The following VAT1L variants were observed in gnomAD, a reference collection of about 807,000 sequenced individuals.
The protein encoded by VAT1L is vesicle amine transport 1 like, also known as putative NADPH-dependent quinone oxidoreductase VAT1L.
In VAT1L, 34 loss-of-function variants were observed where a neutral mutation model predicts 44.1. That is an observed-to-expected ratio of 0.77 (90% confidence interval 0.59 to 1.03). VAT1L has a LOEUF of 1.03. VAT1L is among the 50% of genes least tolerant of loss of function. VAT1L has a pLI of 0.00. For synonymous variants in VAT1L, 253 were observed against 202.2 expected (o/e 1.25, Z -2.13); for missense variants, 615 against 538.8 (o/e 1.14, Z -1.40).
At chr16:77,862,651 A>T (rs1597072284) in intron 3 of VAT1L, 97 bp from the exon 4 acceptor site, 2 of 1,123,372 alleles carry the variant, frequency 1.8e-6, no homozygotes, top group South Asian at 1.8e-5. Flanking sequence ...AAAAAAAGTC[A>T]ATAGTGCCGA....
chr16:77,917,780 G>T (rs1415378011), intron 7 of VAT1L, among the ~76,000 whole-genome samples: 1 of 152,170 alleles, frequency 6.6e-6, no homozygotes, highest in Non-Finnish European at 1.5e-5. Context: ...ACACTAAAGA[G>T]GAATAAGGAG....
intron 1 of VAT1L, among the ~76,000 whole-genome samples, chr16:77,804,215 C>A (rs1271886722): frequency 6.6e-6 from 1 of 152,190 alleles, no homozygotes; most frequent in East Asian, 1.9e-4. Context: ...ATGCCTTGGT[C>A]AACATCAAAC....
chr16:77,913,956 G>C (rs1052604996), intron 7 of VAT1L, among the ~76,000 whole-genome samples: 2 of 152,150 alleles, frequency 1.3e-5, no homozygotes, highest in African/African-American at 4.8e-5. Flanking sequence ...AACATTGACT[G>C]ATAAAATGCC....
chr16:77,914,649 T>A (rs1408618662), intron 7 of VAT1L, among the ~76,000 whole-genome samples: 2 of 151,966 alleles, frequency 1.3e-5, no homozygotes, highest in Non-Finnish European at 2.9e-5. Flanking sequence ...CATAGATCAG[T>A]TATCAGTCAC....
intron 7 of VAT1L, among the ~76,000 whole-genome samples, chr16:77,906,463 TCGCCTC>T (rs1315286274): frequency 1.3e-5 from 2 of 152,170 alleles, no homozygotes; most frequent in African/African-American, 4.8e-5. Context: ...TAGTTTGGGA[TCGCCTC>T]AAATCAGAGC....
intron 7 of VAT1L, among the ~76,000 whole-genome samples, chr16:77,912,076 C>G (rs997248336): frequency 6.6e-6 from 1 of 152,168 alleles, no homozygotes; most frequent in Admixed American, 6.5e-5. Flanking sequence ...GGCAGTGTGA[C>G]ATAGTAGAAA....
At chr16:77,877,460 C>T (rs2017099855) in intron 5 of VAT1L, among the ~76,000 whole-genome samples, 1 of 144,554 alleles carries the variant, frequency 6.9e-6, no homozygotes, top group South Asian at 2.2e-4. Context: ...TGGCAGTGAG[C>T]CGAGACCGCG....
chr16:77,968,997 T>G (rs2018252037), intron 7 of VAT1L, among the ~76,000 whole-genome samples: 1 of 152,002 alleles, frequency 6.6e-6, no homozygotes, highest in African/African-American at 2.4e-5. Flanking sequence ...TTTTGTTTTT[T>G]TAGTAGAGAT....
intron 3 of VAT1L, among the ~76,000 whole-genome samples, chr16:77,829,535 G>C (rs531652846): frequency 6.6e-5 from 10 of 152,316 alleles, no homozygotes; most frequent in African/African-American, 2.4e-4. Flanking sequence ...TCCATGCTCT[G>C]TCATATCTTT....
chr16:77,850,355 A>C (rs1174868398), intron 3 of VAT1L, among the ~76,000 whole-genome samples: 2 of 152,196 alleles, frequency 1.3e-5, no homozygotes, highest in Admixed American at 1.3e-4. Flanking sequence ...ATCAGTTCAG[A>C]GTAACCAGGT....
chr16:77,965,578 C>G lies in VAT1L; in HGVS notation c.1078-6272C>G, dbSNP rs571317026. ...GCCTGAGTAAATCCAGAATCCCAGC[C>G]CTGGAAAATCCAGCTGCCAAGACCA... is the stretch of plus-strand genomic sequence containing the variant. On this transcript the variant is annotated intron_variant, in intron 7 of 8. Coordinates refer to ENST00000302536, the MANE Select transcript of VAT1L (RefSeq NM_020927.3). Among the ~76,000 whole-genome samples the G allele has an allele frequency of 2.0e-5, 3 of 152,302 alleles. No homozygotes were observed. The East Asian group carries it at 5.8e-4, about 29-fold the overall frequency.
intron 3 of VAT1L, among the ~76,000 whole-genome samples, chr16:77,856,144 C>T (rs559595937): frequency 6.6e-6 from 1 of 152,212 alleles, no homozygotes; most frequent in South Asian, 2.1e-4. Flanking sequence ...AAGAGGATTC[C>T]AAGCAGTGGG....
intron 7 of VAT1L, among the ~76,000 whole-genome samples, chr16:77,957,630 C>G (rs2018117913): frequency 6.6e-6 from 1 of 151,862 alleles, no homozygotes; most frequent in African/African-American, 2.4e-5. Context: ...GAGGCTGAGG[C>G]AGGAGAATCA....
At position 77,889,162 on chromosome 16, in the gene VAT1L, A is replaced by T. The variant is rs540709759; in HGVS notation, c.1077+4360A>T. Reference sequence around the variant, plus strand: ...AATTGCTTCTCAATCCAGCTCTATAACTTCATCTATGGAATATAAAGCCCA... The same window carrying T: ...AATTGCTTCTCAATCCAGCTCTATATCTTCATCTATGGAATATAAAGCCCA... On this transcript the variant is annotated intron_variant, in intron 7 of 8. Transcript: ENST00000302536. Among the ~76,000 whole-genome samples the T allele has an allele frequency of 9.2e-5, 14 of 152,272 alleles. No individual in the cohort carries two copies. The South Asian group carries it at 2.3e-3, about 25-fold the overall frequency.
At chr16:77,933,168 C>G (rs992657336) in intron 7 of VAT1L, among the ~76,000 whole-genome samples, 1 of 152,206 alleles carries the variant, frequency 6.6e-6, no homozygotes, top group African/African-American at 2.4e-5. Flanking sequence ...TCAACTATCA[C>G]TCCTTGAAGT....
intron 7 of VAT1L, among the ~76,000 whole-genome samples, chr16:77,958,202 TG>T (rs1348202705): frequency 6.6e-6 from 1 of 152,158 alleles, no homozygotes; most frequent in African/African-American, 2.4e-5. Context: ...CCACCATGCC[TG>T]GCCTTCTTGG....
At position 77,884,743 on chromosome 16, in the gene VAT1L, G is replaced by T; in HGVS notation, c.1018G>T (p.Gly340Trp). ...TCGGGGAGTGGTGGAAAAACTCATA[G>T]GGCTCTACAACCAGAAGAAGATCAA... The part of the protein sequence containing the change: ...LIRGVVEKLI[G>W]LYNQKKIKPV... The change falls in exon 7 of 9, where the codon GGG becomes TGG. Residue 340 changes from glycine (G) to tryptophan (W), a missense_variant. Transcript: ENST00000302536. The surrounding 1 kb of genome is among the most constrained non-coding windows in gnomAD (Gnocchi z 4.5). 6.3e-7 allele frequency: 1 copy of T among 1,597,544 alleles called. No individual in the cohort carries two copies. The highest frequency in any genetic ancestry group is 8.5e-7 in the Non-Finnish European group (1 of 1,172,034).
At chr16:77,824,246 A>G (rs2016492716) in intron 2 of VAT1L, among the ~76,000 whole-genome samples, 1 of 152,154 alleles carries the variant, frequency 6.6e-6, no homozygotes, top group African/African-American at 2.4e-5. Flanking sequence ...CAGGACTTTC[A>G]CTACCACCTA....
At chr16:77,950,066 A>G (rs1245225542) in intron 7 of VAT1L, among the ~76,000 whole-genome samples, 1 of 152,148 alleles carries the variant, frequency 6.6e-6, no homozygotes, top group Non-Finnish European at 1.5e-5. Flanking sequence ...ATCACTTTTA[A>G]TAACTTATTA....
Sources: allele counts gnomAD v4.1 joint callset (sites outside exome capture counted in the v4.1 genomes callset), GRCh38; gene constraint gnomAD v4.1.1; non-coding constraint Gnocchi (gnomAD v3.1); transcripts MANE v1.5; gene names NCBI Gene and HGNC (gene_info 2026-07-23, HGNC 2026-07-21).